ERBB4: variants seen among roughly 807,000 people sequenced by gnomAD.
The protein encoded by ERBB4 is receptor tyrosine-protein kinase erbB-4.
A neutral mutation model predicts 158.0 loss-of-function variants in ERBB4; 42 were observed. The ratio of observed to expected loss-of-function variants is 0.27; its 90% CI spans 0.21 to 0.34. The LOEUF is 0.34. ERBB4 is among the 10% of genes least tolerant of loss of function. The probability of loss-of-function intolerance (pLI) is 1.00; values close to 1 mark genes in which losing one functional copy is unlikely to be tolerated. For missense variants in ERBB4, 1,333 were observed against 1,624.1 expected, an observed-to-expected ratio of 0.82 and a Z score of 3.08; for synonymous variants, 583 against 558.7, an observed-to-expected ratio of 1.04 and a Z score of -0.61.
chr2:212,288,608 G>A (rs1335358838), intron 1 of ERBB4, among the ~76,000 whole-genome samples: 2 of 152,052 alleles, frequency 1.3e-5, no homozygotes, highest in Admixed American at 6.6e-5. Flanking sequence ...CCGGCTTCTC[G>A]CTTTGCTGAT....
chr2:211,858,488 C>A (rs1213426023), intron 3 of ERBB4, among the ~76,000 whole-genome samples: 1 of 152,154 alleles, frequency 6.6e-6, no homozygotes, highest in Non-Finnish European at 1.5e-5. Flanking sequence ...TTGATTTAGA[C>A]CATTTTGTAC....
rs146330900 is a variant in ERBB4, at chr2:211,980,163, T to C, written c.235-32547A>G. On this transcript the variant is annotated intron_variant, in intron 2 of 27. Coordinates refer to ENST00000342788, the MANE Select transcript of ERBB4 (RefSeq NM_005235.3). ...GAATAAAAATAGAATTGAGGCTTAG[T>C]TTTGAAAAGAAAAAGACATATGACT... Among the ~76,000 whole-genome samples the C allele has an allele frequency of 2.9e-4, 44 of 152,296 alleles. No homozygotes were observed. In the East Asian group the frequency reaches 8.1e-3, roughly 28 times the overall value.
intron 20 of ERBB4, among the ~76,000 whole-genome samples, chr2:211,526,822 CTT>C (rs1159201034): frequency 6.6e-6 from 1 of 151,964 alleles, no homozygotes; most frequent in African/African-American, 2.4e-5. Flanking sequence ...GCATCAGTCT[CTT>C]AATAGCAGAA....
intron 25 of ERBB4, among the ~76,000 whole-genome samples, chr2:211,390,780 A>C (rs890795045): frequency 6.6e-6 from 1 of 152,214 alleles, no homozygotes; most frequent in Non-Finnish European, 1.5e-5. Context: ...CAAACTGCCA[A>C]ATAGCATCAC....
At chr2:212,015,706 G>A (rs188436985) in intron 2 of ERBB4, among the ~76,000 whole-genome samples, 88 of 152,174 alleles carry the variant, frequency 5.8e-4, no homozygotes, top group African/African-American at 2.1e-3. Flanking sequence ...AACTCACTTG[G>A]GGGTAGTGCC....
At position 212,312,161 on chromosome 2, in the gene ERBB4, A is replaced by G. The variant is rs192387738; in HGVS notation, c.83-187258T>C. Among the ~76,000 whole-genome samples the G allele has an allele frequency of 7.3e-5, 11 of 151,070 alleles. No homozygotes were observed. The East Asian group carries it at 2.2e-3, about 30-fold the overall frequency. On this transcript the variant is annotated intron_variant, in intron 1 of 27. Transcript: ENST00000342788. ...CATTGTAACTGCAGGGGGAGAAAGCAAATGAAATGACTTTCCCTTCAAGGA... is the reference window on the plus strand; with the variant it reads ...CATTGTAACTGCAGGGGGAGAAAGCGAATGAAATGACTTTCCCTTCAAGGA...
intron 1 of ERBB4, among the ~76,000 whole-genome samples, chr2:212,381,867 T>A (rs1422985475): frequency 2.6e-4 from 39 of 151,400 alleles, no homozygotes; most frequent in Non-Finnish European, 5.9e-5. Context: ...TTAAATCTGT[T>A]TTTATATATT....
intron 1 of ERBB4, among the ~76,000 whole-genome samples, chr2:212,382,813 T>G (rs1396961267): frequency 6.6e-6 from 1 of 151,316 alleles, no homozygotes; most frequent in East Asian, 1.9e-4. Context: ...CTAGAGAAGT[T>G]AAACAATTTA....
chr2:211,769,754 G>A (rs1247818035), intron 4 of ERBB4, among the ~76,000 whole-genome samples: 3 of 152,172 alleles, frequency 2.0e-5, no homozygotes, highest in Admixed American at 1.3e-4. Context: ...TGATGTCTGA[G>A]GGCAGGAAGC....
intron 2 of ERBB4, among the ~76,000 whole-genome samples, chr2:212,059,667 A>C (rs1236808496): frequency 2.0e-5 from 3 of 152,232 alleles, no homozygotes; most frequent in Non-Finnish European, 4.4e-5. Context: ...ATCTTTGACA[A>C]ACCTGACAAA....
At chr2:211,961,666 T>C (rs894623342) in intron 2 of ERBB4, among the ~76,000 whole-genome samples, 2 of 152,160 alleles carry the variant, frequency 1.3e-5, no homozygotes, top group Admixed American at 1.3e-4. Flanking sequence ...AGAGACTGAA[T>C]GTAAGTATTA....
chr2:212,121,956 G>A (rs978491703), intron 2 of ERBB4, among the ~76,000 whole-genome samples: 2 of 151,652 alleles, frequency 1.3e-5, no homozygotes, highest in Non-Finnish European at 2.9e-5. Context: ...AACCTAGCAT[G>A]CACTCCACCC....
intron 16 of ERBB4, among the ~76,000 whole-genome samples, chr2:211,643,288 C>T (rs566449527): frequency 1.3e-5 from 2 of 152,100 alleles, no homozygotes; most frequent in Non-Finnish European, 2.9e-5. Context: ...TACTTCTGTC[C>T]TTGGATCTAA....
At chr2:212,064,552 T>C (rs184354579) in intron 2 of ERBB4, among the ~76,000 whole-genome samples, 1 of 152,260 alleles carries the variant, frequency 6.6e-6, no homozygotes, top group Non-Finnish European at 1.5e-5. Context: ...CTTCCTTCTC[T>C]TTTTCTTCTT....
In ERBB4 at chr2:212,006,708, T is replaced by C. The variant is rs192717449; in HGVS notation, c.235-59092A>G. On this transcript the variant is annotated intron_variant, in intron 2 of 27. Coordinates refer to ENST00000342788, the MANE Select transcript of ERBB4 (RefSeq NM_005235.3). ...ATACCAGGTTTCAGATCATGATAAGTATACCAAATTTCTATAGATTGTCTG... is the reference window on the plus strand; with the variant it reads ...ATACCAGGTTTCAGATCATGATAAGCATACCAAATTTCTATAGATTGTCTG... 1.5e-4 allele frequency among the ~76,000 whole-genome samples: 23 copies of C among 152,178 alleles called. No homozygotes were observed. In the East Asian group the frequency reaches 4.4e-3, roughly 29 times the overall value.
chr2:212,200,366 T>C (rs188920028), intron 1 of ERBB4, among the ~76,000 whole-genome samples: 1 of 152,254 alleles, frequency 6.6e-6, no homozygotes, highest in Admixed American at 6.5e-5. Context: ...TAATTACATC[T>C]TTAGACAAAA....
chr2:211,432,367 AC>A, intron 20 of ERBB4, among the ~76,000 whole-genome samples: 4 of 152,300 alleles, frequency 2.6e-5, no homozygotes, highest in Admixed American at 2.6e-4. Context: ...CATGAGCCAA[AC>A]CCCATATAAA....
intron 16 of ERBB4, among the ~76,000 whole-genome samples, chr2:211,657,136 T>A (rs2071244948): frequency 6.6e-6 from 1 of 152,274 alleles, no homozygotes; most frequent in Non-Finnish European, 1.5e-5. Flanking sequence ...ATTTTTGTAA[T>A]CATCTATTGA....
At chr2:211,428,646 CTATAAA>C (rs774649585) in intron 21 of ERBB4, among the ~76,000 whole-genome samples, 163 bp from the exon 22 acceptor site, 2 of 151,942 alleles carry the variant, frequency 1.3e-5, no homozygotes, top group Middle Eastern at 3.2e-3. Context: ...ATGACTATAA[CTATAAA>C]TATATGTTAA....
Sources: gnomAD v4.1 joint callset for allele counts (sites outside exome capture counted in the v4.1 genomes callset) on GRCh38, gnomAD v4.1.1 for gene constraint, MANE v1.5 for transcripts, NCBI Gene and HGNC (gene_info 2026-07-23, HGNC 2026-07-21) for gene names.